Variants in NAA35 observed in about 807,000 individuals in gnomAD.
NAA35 encodes MAK10 homolog, amino-acid N-acetyltransferase subunit.
NAA35 carries 18 observed loss-of-function variants against 101.7 expected under a neutral mutation model. That is an observed-to-expected ratio of 0.18 (90% confidence interval 0.12 to 0.26). The LOEUF is 0.26. Among genes scored for constraint, NAA35 ranks in the 10% least tolerant of loss-of-function variants. The pLI is 1.00. For synonymous variants in NAA35, 267 were observed against 273.1 expected, an observed-to-expected ratio of 0.98 and a Z score of 0.22; for missense variants, 601 against 886.8, an observed-to-expected ratio of 0.68 and a Z score of 4.09.
chr9:86,013,397 A>C (rs1219959512), intron 16 of NAA35, among the ~76,000 whole-genome samples: 1 of 152,250 alleles, frequency 6.6e-6, no homozygotes, highest in African/African-American at 2.4e-5. Flanking sequence ...ATAGTTTTAC[A>C]AGCTTACATT....
At chr9:85,957,837 G>A (rs537298627) in intron 3 of NAA35, among the ~76,000 whole-genome samples, 139 of 152,234 alleles carry the variant, frequency 9.1e-4, no homozygotes, top group African/African-American at 3.2e-3. Flanking sequence ...AGATTTGAGC[G>A]TGTGCCAGAA....
rs182013272 is a variant in NAA35, at chr9:85,954,910, T to A, written c.125-1450T>A. 1.3e-3 allele frequency among the ~76,000 whole-genome samples: 191 copies of A among 151,856 alleles called. 4 individuals carry two copies. The South Asian group carries it at 0.033, about 27-fold the overall frequency. On this transcript the variant is annotated intron_variant, in intron 2 of 22. Transcript: ENST00000361671. ...CTAGTATGTGTTCTGCTATGTTTTGTTGTTTTGTTTTGTTTTGTTTTGTTT... is the reference window on the plus strand; with the variant it reads ...CTAGTATGTGTTCTGCTATGTTTTGATGTTTTGTTTTGTTTTGTTTTGTTT...
intron 11 of NAA35, among the ~76,000 whole-genome samples, chr9:85,984,984 A>G (rs1830590123): frequency 6.6e-6 from 1 of 152,236 alleles, no homozygotes; most frequent in East Asian, 1.9e-4. Flanking sequence ...GCATAAAAAA[A>G]TGGGCAAGAG....
intron 13 of NAA35, 74 bp downstream of exon 13, chr9:86,003,718 A>T (rs1564319563): frequency 1.2e-6 from 1 of 865,568 alleles, no homozygotes; most frequent in Non-Finnish European, 1.8e-6. Context: ...TGATTGATTG[A>T]ACAAAAGGTA....
At chr9:85,946,696 T>A (rs1036121576) in intron 2 of NAA35, among the ~76,000 whole-genome samples, 2 of 151,888 alleles carry the variant, frequency 1.3e-5, no homozygotes, top group African/African-American at 4.8e-5. Flanking sequence ...TTTTTTTTTT[T>A]AAAGCTCATC....
chr9:85,955,341 TATATATATATA>T (rs1829199751), intron 2 of NAA35, among the ~76,000 whole-genome samples: 1 of 69,694 alleles, frequency 1.4e-5, no homozygotes, highest in Non-Finnish European at 3.0e-5. Flanking sequence ...TATATATATA[TATATATATATA>T]TATATATATT....
intron 1 of NAA35, 134 bp from the exon 2 acceptor site, chr9:85,942,021 C>T (rs912795060): frequency 3.4e-5 from 47 of 1,389,230 alleles, no homozygotes; most frequent in Non-Finnish European, 4.4e-5. Flanking sequence ...CAGTACTGTC[C>T]TTAGACTCAG....
Position 85,977,438 on chromosome 9 carries a change from A to G in NAA35, c.754A>G (p.Lys252Glu). ...ACTGACAGTGCTTATAGCCTTTACT[A>G]AGAAAGAGGTAAGGGCATTCAATAT... Reference protein sequence around the residue: ...VLLTVLIAFTKKETSAVAEAQ... With the variant: ...VLLTVLIAFTEKETSAVAEAQ... The change falls in exon 10 of 23, where the codon AAG (lysine) becomes GAG (glutamate). Residue 252 changes from lysine to glutamate, a missense_variant. Transcript: ENST00000361671. 1 of 1,602,476 alleles carries G rather than the reference A, an allele frequency of 6.2e-7. No individual in the cohort carries two copies. The highest frequency in any genetic ancestry group is 8.5e-7 in the Non-Finnish European group (1 of 1,170,088).
rs544204476 is a variant in NAA35, at chr9:86,024,319, G to A, written c.*2359G>A. Among the ~76,000 whole-genome samples the A allele has an allele frequency of 3.9e-5, 6 of 152,302 alleles. No homozygotes were observed. The South Asian group carries it at 6.2e-4, about 16-fold the overall frequency. ...GAGGGGAGAGGGTAGCAGCCTGGCC[G>A]AAGTATAGAGCAGGAAAAGGATGGC... On this transcript the variant is annotated 3_prime_UTR_variant, in exon 23 of 23. Transcript: ENST00000361671.
chr9:85,941,817 T>G, intron 1 of NAA35: 2 of 1,024,400 alleles, frequency 2.0e-6, no homozygotes, highest in Non-Finnish European at 2.3e-6. Context: ...AGTGCCTTGG[T>G]CTTTTGTGGC....
At chr9:85,956,332 C>T in intron 2 of NAA35, 28 bp from the exon 3 acceptor site, 3 of 1,294,252 alleles carry the variant, frequency 2.3e-6, no homozygotes, top group South Asian at 1.4e-5. Context: ...TAAATATGTT[C>T]AAAGGGTTTT....
At chr9:85,994,052 G>T (rs990717244) in intron 11 of NAA35, among the ~76,000 whole-genome samples, 3 of 151,172 alleles carry the variant, frequency 2.0e-5, no homozygotes, top group African/African-American at 7.3e-5. Context: ...ACGTAGATTT[G>T]TATGATATTA....
intron 10 of NAA35, among the ~76,000 whole-genome samples, chr9:85,978,022 G>T (rs1587607372): frequency 3.5e-5 from 5 of 143,160 alleles, no homozygotes; most frequent in Admixed American, 7.0e-5. Context: ...GGTTTTTATT[G>T]TGAAAAAAAA....
At chr9:85,964,852 A>G (rs572098704) in intron 6 of NAA35, among the ~76,000 whole-genome samples, 2 of 152,282 alleles carry the variant, frequency 1.3e-5, no homozygotes, top group East Asian at 1.9e-4. Context: ...TTATTACCAT[A>G]TGGTTACTGT....
At chr9:85,966,233 A>G (rs2117936890) in intron 6 of NAA35, among the ~76,000 whole-genome samples, 1 of 152,262 alleles carries the variant, frequency 6.6e-6, no homozygotes, top group South Asian at 2.1e-4. Flanking sequence ...GAGCCACCAC[A>G]CCTGACCTGT....
At chr9:86,005,561 A>G (rs1831596321) in intron 13 of NAA35, among the ~76,000 whole-genome samples, 1 of 152,210 alleles carries the variant, frequency 6.6e-6, no homozygotes, top group East Asian at 1.9e-4. Context: ...AGATGACATC[A>G]TTTTCCATGT....
chr9:86,005,725 A>G (rs1469761530), intron 13 of NAA35, among the ~76,000 whole-genome samples: 1 of 152,226 alleles, frequency 6.6e-6, no homozygotes, highest in Non-Finnish European at 1.5e-5. Context: ...CAAACTATTT[A>G]CAATAACAAA....
chr9:85,955,786 G>T (rs1269747462), intron 2 of NAA35, among the ~76,000 whole-genome samples: 6 of 152,136 alleles, frequency 3.9e-5, no homozygotes, highest in African/African-American at 1.4e-4. Context: ...CATTGGTTTG[G>T]GATGCTGCTT....
intron 2 of NAA35, among the ~76,000 whole-genome samples, chr9:85,950,535 C>T (rs991204745): frequency 3.3e-5 from 5 of 152,222 alleles, no homozygotes; most frequent in East Asian, 3.9e-4. Context: ...TGAGCCACTG[C>T]GCCCCTGATT....
Sources: gnomAD v4.1 joint callset for allele counts (sites outside exome capture counted in the v4.1 genomes callset) on GRCh38, gnomAD v4.1.1 for gene constraint, MANE v1.5 for transcripts, NCBI Gene and HGNC (gene_info 2026-07-23, HGNC 2026-07-21) for gene names.